Variants in MYO5B observed in about 807,000 individuals in gnomAD.
The protein encoded by MYO5B is myosin VB.
A neutral mutation model predicts 229.3 loss-of-function variants in MYO5B; 143 were observed. The ratio of observed to expected loss-of-function variants is 0.62; its 90% confidence interval spans 0.54 to 0.72. The LOEUF (loss-of-function observed/expected upper bound fraction) is 0.72, where lower values mean the gene tolerates loss of function less well. MYO5B is among the 30% of genes least tolerant of loss of function. The probability of loss-of-function intolerance (pLI) is 0.00; values close to 1 mark genes in which losing one functional copy is unlikely to be tolerated. For missense variants in MYO5B, 2,321 were observed against 2,331.0 expected, an observed-to-expected ratio of 1.00 and a Z score of 0.09; for synonymous variants, 918 against 885.2, an observed-to-expected ratio of 1.04 and a Z score of -0.66.
intron 1 of MYO5B, among the ~76,000 whole-genome samples, chr18:50,188,804 A>C (rs548329816): frequency 0.43 from 59,423 of 139,536 alleles, 13,151 homozygotes; most frequent in East Asian, 0.51. Flanking sequence ...AAAAAAAAAA[A>C]AAAAAAAAAA....
intron 17 of MYO5B, among the ~76,000 whole-genome samples, chr18:49,923,601 T>A (rs1427948580): frequency 6.6e-6 from 1 of 152,194 alleles, no homozygotes; most frequent in African/African-American, 2.4e-5. Flanking sequence ...GCTCAGCCAG[T>A]GAATCAGAGG....
intron 27 of MYO5B, among the ~76,000 whole-genome samples, chr18:49,867,581 T>C (rs1319952369): frequency 6.6e-6 from 1 of 152,186 alleles, no homozygotes; most frequent in East Asian, 1.9e-4. Flanking sequence ...GAAACCTTTC[T>C]GTAGAGAGTT....
In MYO5B at chr18:49,847,152, C is replaced by T. The variant is rs924732532; in HGVS notation, c.4453G>A (p.Val1485Met). ...TGGCACAGAGGGTCCTTACCTGTCA[C>T]CAGGTTCCGGATGAGGAGGGCCTCG... ...EDEALLIRNL[V>M]TDLKPQMLSG... Residue 1485 changes from valine to methionine, a missense_variant, in exon 33 of 40, where the codon GTG becomes ATG. By Grantham distance (21) the Val-to-Met change is conservative. This residue lies in a region of MYO5B where 2,113 missense variants were observed against 2,044.7 expected (regional missense o/e 1.03). Transcript: ENST00000285039. 3.1e-6 allele frequency: 5 copies of T among 1,613,996 alleles called. No homozygotes were observed. Among genetic ancestry groups the T allele is most frequent in the Non-Finnish European group, 4.2e-6 (5 of 1,180,026 alleles).
chr18:50,077,168 TA>T (rs71169476), intron 1 of MYO5B, among the ~76,000 whole-genome samples: 38,057 of 80,098 alleles, frequency 0.48, 7,830 homozygotes, highest in East Asian at 0.61. Context: ...TGTGGCAAAG[TA>T]AAAAAAAAAA....
chr18:49,951,135 C>T (rs577377615), intron 14 of MYO5B, among the ~76,000 whole-genome samples: 2 of 152,184 alleles, frequency 1.3e-5, no homozygotes, highest in African/African-American at 2.4e-5. Flanking sequence ...GGGGGAATTA[C>T]GTGCATCCTG....
At chr18:50,055,136 A>T (rs1343095451) in intron 2 of MYO5B, 132 bp downstream of exon 2, 1 of 687,980 alleles carries the variant, frequency 1.5e-6, no homozygotes, top group Non-Finnish European at 2.5e-6. Flanking sequence ...ACAAGAAAGA[A>T]TCCAAGGGCT....
chr18:50,041,274 A>C (rs985243376), intron 2 of MYO5B, among the ~76,000 whole-genome samples: 25 of 152,348 alleles, frequency 1.6e-4, no homozygotes, highest in African/African-American at 6.0e-4. Context: ...ATCATATTTT[A>C]AGAATTTCTG....
chr18:49,953,892 ATATGTGTGTGTG>A (rs139570201), intron 13 of MYO5B, among the ~76,000 whole-genome samples: 33,971 of 127,468 alleles, frequency 0.27, 5,111 homozygotes, highest in Middle Eastern at 0.39. Context: ...ATATATACAT[ATATGTGTGTGTG>A]TGTGTGTGTG....
intron 14 of MYO5B, among the ~76,000 whole-genome samples, chr18:49,951,971 A>T (rs1598907049): frequency 6.6e-6 from 1 of 152,216 alleles, no homozygotes; most frequent in East Asian, 1.9e-4. Context: ...TCAATCTTGC[A>T]TTGAACTCCA....
At chr18:49,838,070 C>G (rs754439918) in intron 36 of MYO5B, among the ~76,000 whole-genome samples, 1 of 152,182 alleles carries the variant, frequency 6.6e-6, no homozygotes, top group Non-Finnish European at 1.5e-5. Context: ...GATTTGGTAT[C>G]GCCTGTGCTG....
intron 10 of MYO5B, among the ~76,000 whole-genome samples, chr18:49,972,949 T>C (rs2025706742): frequency 1.3e-5 from 2 of 152,122 alleles, no homozygotes; most frequent in East Asian, 1.9e-4. Flanking sequence ...TCCTTCCTCA[T>C]ATCTTGGTTG....
rs371323608 is a variant in MYO5B, at chr18:49,996,030, G to A, written c.613-3599C>T. On this transcript the variant is annotated intron_variant, in intron 5 of 39. Coordinates refer to ENST00000285039, the MANE Select transcript of MYO5B (RefSeq NM_001080467.3). ...GTGGAAAATTCTAAAGGAGAAGCTC[G>A]TTTCAACAGATAAGTTTCAATTTCA... Among the ~76,000 whole-genome samples the A allele has an allele frequency of 2.6e-5, 4 of 152,350 alleles. No homozygotes were observed. In the South Asian group the frequency reaches 6.2e-4, roughly 24 times the overall value.
intron 22 of MYO5B, among the ~76,000 whole-genome samples, chr18:49,892,236 T>C (rs2024723768): frequency 6.6e-6 from 1 of 152,228 alleles, no homozygotes; most frequent in Admixed American, 6.5e-5. Context: ...GGCCTGGGTG[T>C]GGACTACCCC....
intron 22 of MYO5B, among the ~76,000 whole-genome samples, chr18:49,888,902 G>T (rs887320778): frequency 6.6e-6 from 1 of 152,202 alleles, no homozygotes; most frequent in Non-Finnish European, 1.5e-5. Context: ...GCTCTGACAG[G>T]GCCTGCACAT....
chr18:50,049,948 T>C (rs72915710), intron 2 of MYO5B, among the ~76,000 whole-genome samples: 6,398 of 152,276 alleles, frequency 0.042, 182 homozygotes, highest in South Asian at 0.076. Flanking sequence ...CACTTAAACA[T>C]AGTGAAAATG....
Position 49,837,638 on chromosome 18 carries a change from A to G in MYO5B, c.5017T>C (p.Leu1673=), listed in dbSNP as rs746850413. ...AFHTVMCDQG[L]DPEIILQVFK... ...ACCTGCAGGATGATCTCAGGGTCCA[A>G]GCCCTGGTCACACATGACTGTATGA... The change falls in exon 37 of 40, where the codon TTG becomes CTG. Residue 1673 remains leucine (L), a synonymous_variant. Transcript: ENST00000285039. 2.0e-5 allele frequency: 33 copies of G among 1,613,990 alleles called. 1 individual carries two copies. The South Asian group carries it at 3.4e-4, about 17-fold the overall frequency.
intron 1 of MYO5B, among the ~76,000 whole-genome samples, chr18:50,146,356 C>T (rs1034292402): frequency 3.9e-5 from 6 of 152,234 alleles, no homozygotes; most frequent in African/African-American, 1.2e-4. Context: ...CCTCTTCCTA[C>T]ATGGGACATT....
intron 4 of MYO5B, among the ~76,000 whole-genome samples, chr18:50,014,958 T>G (rs912733258): frequency 1.3e-5 from 2 of 152,214 alleles, no homozygotes; most frequent in Non-Finnish European, 1.5e-5. Flanking sequence ...CAAAATAGAC[T>G]CAACAATCTG....
intron 39 of MYO5B, among the ~76,000 whole-genome samples, chr18:49,833,717 G>T (rs2023952666): frequency 6.6e-6 from 1 of 152,080 alleles, no homozygotes; most frequent in Non-Finnish European, 1.5e-5. Context: ...TTCTAAACTT[G>T]CACTTTTGTA....
Sources: allele counts gnomAD v4.1 joint callset (sites outside exome capture counted in the v4.1 genomes callset), GRCh38; gene constraint gnomAD v4.1.1; regional missense constraint gnomAD v4.1.1; transcripts MANE v1.5; gene names NCBI Gene and HGNC (gene_info 2026-07-23, HGNC 2026-07-21).